The following TRIO variants were observed in gnomAD, a reference collection of about 807,000 sequenced individuals.
The protein encoded by TRIO is trio Rho guanine nucleotide exchange factor.
TRIO carries 58 observed loss-of-function variants against 351.9 expected under a neutral mutation model. The ratio of observed to expected loss-of-function variants is 0.16; its 90% CI spans 0.13 to 0.21. The LOEUF (loss-of-function observed/expected upper bound fraction) is 0.21, where lower values mean the gene tolerates loss of function less well. Ranked by LOEUF, TRIO falls within the 10% of genes least tolerant of loss-of-function variation. The probability of loss-of-function intolerance (pLI) is 1.00; values close to 1 mark genes in which losing one functional copy is unlikely to be tolerated. For missense variants in TRIO, 3,201 were observed against 4,027.8 expected, an observed-to-expected ratio of 0.79 and a Z score of 5.56; for synonymous variants, 1,758 against 1,595.7, an observed-to-expected ratio of 1.10 and a Z score of -2.42.
Position 14,487,861 on chromosome 5 carries a change from G to T in TRIO, c.7233G>T (p.Lys2411Asn). The T allele has an allele frequency of 1.3e-6, 2 of 1,533,130 alleles. No homozygotes were observed. Among genetic ancestry groups the T allele is most frequent in the Middle Eastern group, 1.8e-4 (1 of 5,530 alleles). 95.0% of individuals were successfully genotyped at this position (1,533,130 alleles called of 1,614,324 possible). A position where few individuals can be genotyped will look rare whatever the true frequency, so the allele number is the denominator to read the frequency against. ...AGCGAGAAGCGGAGCCGATCCCCAAGATGAAGGTGCTGGAGAGCCCCAGGA... is the reference window on the plus strand; with the variant it reads ...AGCGAGAAGCGGAGCCGATCCCCAATATGAAGGTGCTGGAGAGCCCCAGGA... ...GSEREAEPIPKMKVLESPRKG... is the reference protein window; with the variant it reads ...GSEREAEPIPNMKVLESPRKG... The change falls in exon 48 of 57, where the codon AAG becomes AAT. Residue 2411 changes from lysine (K) to asparagine (N), a missense_variant. Lys to Asn is a moderately conservative substitution (Grantham distance 94, BLOSUM62 0). This residue lies in a region of TRIO where 1,089 missense variants were observed against 954.9 expected (regional missense o/e 1.14). Transcript: ENST00000344204.
At chr5:14,474,874 T>C (rs1160379538) in intron 40 of TRIO, among the ~76,000 whole-genome samples, 2 of 152,176 alleles carry the variant, frequency 1.3e-5, no homozygotes, top group Admixed American at 1.3e-4. Context: ...ACGGGCTTGC[T>C]GTGTTGCCTA....
At chr5:14,201,756 A>G (rs1791123121) in intron 1 of TRIO, among the ~76,000 whole-genome samples, 1 of 152,194 alleles carries the variant, frequency 6.6e-6, no homozygotes, top group South Asian at 2.1e-4. Flanking sequence ...TCTGTGAGTC[A>G]CAGGCCTACA....
At chr5:14,489,137 C>T (rs753528329) in intron 48 of TRIO, 6 of 703,998 alleles carry the variant, frequency 8.5e-6, no homozygotes, top group Non-Finnish European at 1.3e-5. Flanking sequence ...ATACATTTCT[C>T]TAAAAGGGTC....
At chr5:14,271,744 G>A (rs2152270269) in intron 2 of TRIO, among the ~76,000 whole-genome samples, 1 of 152,276 alleles carries the variant, frequency 6.6e-6, no homozygotes, top group Non-Finnish European at 1.5e-5. Context: ...TTCTTAAATA[G>A]GCATTCTGTG....
chr5:14,222,711 G>A (rs897063197), intron 1 of TRIO, among the ~76,000 whole-genome samples: 1 of 152,188 alleles, frequency 6.6e-6, no homozygotes, highest in Non-Finnish European at 1.5e-5. Context: ...AGAAATACAT[G>A]TGAAGTTTTA....
chr5:14,171,546 A>G (rs942267756), intron 1 of TRIO, among the ~76,000 whole-genome samples: 2 of 152,232 alleles, frequency 1.3e-5, no homozygotes, highest in Non-Finnish European at 2.9e-5. Context: ...GAGTTTAGCC[A>G]AACACTGTTC....
At chr5:14,156,623 C>T (rs560004250) in intron 1 of TRIO, among the ~76,000 whole-genome samples, 2 of 152,168 alleles carry the variant, frequency 1.3e-5, no homozygotes, top group Non-Finnish European at 2.9e-5. Context: ...AACCTGGCTC[C>T]TTTTATCCTC....
chr5:14,428,375 C>A (rs895349944), intron 34 of TRIO, among the ~76,000 whole-genome samples: 1 of 152,068 alleles, frequency 6.6e-6, no homozygotes, highest in South Asian at 2.1e-4. Flanking sequence ...ACTGAGAAAT[C>A]TATATACAGG....
chr5:14,277,230 AG>A lies in TRIO; in HGVS notation c.233-3091del, dbSNP rs545022697. Among the ~76,000 whole-genome samples the A allele has an allele frequency of 1.4e-3, 206 of 152,354 alleles. 1 individual carries two copies. The highest frequency in any genetic ancestry group is 3.4e-3 in the Middle Eastern group (1 of 294). On this transcript the variant is annotated intron_variant, in intron 2 of 56. Coordinates refer to ENST00000344204, the MANE Select transcript of TRIO (RefSeq NM_007118.4). ...GAATATGTAAATTGTACCATTTCCT[AG>A]AAGGTAAGAAGTGCCTTAGAGAAAT...
intron 19 of TRIO, among the ~76,000 whole-genome samples, chr5:14,375,645 G>A (rs1405575971): frequency 6.6e-6 from 1 of 152,134 alleles, no homozygotes. Context: ...CAAGGCACAG[G>A]CAAGGAGGAG....
intron 7 of TRIO, chr5:14,297,533 A>G (rs1238154000): frequency 2.8e-6 from 1 of 350,918 alleles, no homozygotes; most frequent in Non-Finnish European, 5.3e-6. Context: ...TGTAAATGTG[A>G]TGCTAGGTGC....
intron 9 of TRIO, among the ~76,000 whole-genome samples, chr5:14,322,280 G>A (rs2152310183): frequency 6.6e-6 from 1 of 152,326 alleles, no homozygotes; most frequent in South Asian, 2.1e-4. Flanking sequence ...TAAAATGGGG[G>A]AGGGTTGGTC....
intron 1 of TRIO, among the ~76,000 whole-genome samples, chr5:14,232,440 T>C (rs755124885): frequency 6.6e-6 from 1 of 152,232 alleles, no homozygotes; most frequent in African/African-American, 2.4e-5. Context: ...CTCCTTGACC[T>C]CTATAACGCT....
At position 14,497,236 on chromosome 5, in the gene TRIO, A is replaced by G. The variant is rs1383427134; in HGVS notation, c.8019+219A>G. 6.6e-6 allele frequency among the ~76,000 whole-genome samples: 1 copy of G among 152,230 alleles called. No homozygotes were observed. Among genetic ancestry groups the G allele is most frequent in the African/African-American group, 2.4e-5 (1 of 41,456 alleles). ...CAAGGAACCAGGTAGACCCCTGCAC[A>G]CTTCCGCAGGTGCACATGTGGCTTC... On this transcript the variant is annotated intron_variant, in intron 50 of 56. Coordinates refer to ENST00000344204, the MANE Select transcript of TRIO (RefSeq NM_007118.4). This position sits in a 1 kb window ranked among gnomAD's most constrained non-coding sequence, Gnocchi z 4.4.
chr5:14,445,491 T>C (rs1241193579), intron 34 of TRIO, among the ~76,000 whole-genome samples: 4 of 152,234 alleles, frequency 2.6e-5, no homozygotes, highest in Admixed American at 1.3e-4. Context: ...CTTTTGTTGA[T>C]ACTTTTAATA....
chr5:14,270,982 C>A, intron 2 of TRIO, 83 bp downstream of exon 2: 1 of 945,026 alleles, frequency 1.1e-6, no homozygotes, highest in Non-Finnish European at 1.7e-6. Context: ...ACTCACCTGC[C>A]ACAACATATA....
At chr5:14,477,956 C>G (rs1175134799) in intron 41 of TRIO, among the ~76,000 whole-genome samples, 1 of 152,188 alleles carries the variant, frequency 6.6e-6, no homozygotes, top group East Asian at 1.9e-4. Flanking sequence ...GTAATTTTCA[C>G]TAACAAACAC....
At chr5:14,502,886 C>T (rs1310227349) in intron 54 of TRIO, among the ~76,000 whole-genome samples, 3 of 152,216 alleles carry the variant, frequency 2.0e-5, no homozygotes, top group Non-Finnish European at 4.4e-5. Context: ...CCAGTCACCC[C>T]TCAATGGGGA....
intron 9 of TRIO, among the ~76,000 whole-genome samples, chr5:14,322,715 T>A (rs965694525): frequency 1.2e-4 from 18 of 152,350 alleles, no homozygotes; most frequent in African/African-American, 4.3e-4. Context: ...AGTTTTCTGA[T>A]TCCAGTCATC....
Sources: allele counts gnomAD v4.1 joint callset (sites outside exome capture counted in the v4.1 genomes callset), GRCh38; gene constraint gnomAD v4.1.1; regional missense constraint gnomAD v4.1.1; non-coding constraint Gnocchi (gnomAD v3.1); transcripts MANE v1.5; gene names NCBI Gene and HGNC (gene_info 2026-07-23, HGNC 2026-07-21).